Variants in SGCZ observed in about 807,000 individuals in gnomAD.
SGCZ encodes sarcoglycan zeta, also known as zeta-sarcoglycan.
SGCZ carries 40 observed loss-of-function variants against 41.3 expected under a neutral mutation model. That is an observed-to-expected ratio of 0.97 (90% CI 0.75 to 1.26). The LOEUF (loss-of-function observed/expected upper bound fraction) is 1.26. Ranked by LOEUF, SGCZ falls within the 50% of genes most tolerant of loss-of-function variation. SGCZ has a pLI of 0.00. For synonymous variants in SGCZ, 206 were observed against 137.5 expected (o/e 1.50, Z -3.49); for missense variants, 552 against 369.8 (o/e 1.49, Z -4.04).
At chr8:14,230,943 T>A (rs1208904275) in intron 4 of SGCZ, among the ~76,000 whole-genome samples, 1 of 152,076 alleles carries the variant, frequency 6.6e-6, no homozygotes, top group African/African-American at 2.4e-5. Flanking sequence ...TTGTACAAAT[T>A]GCATACATTA....
At chr8:14,701,078 G>T (rs1269069281) in intron 1 of SGCZ, among the ~76,000 whole-genome samples, 1 of 151,970 alleles carries the variant, frequency 6.6e-6, no homozygotes, top group East Asian at 1.9e-4. Context: ...CTGGAGTGTT[G>T]CGGAAGGATA....
In SGCZ at chr8:14,603,760, C is replaced by T. The variant is rs560004234; in HGVS notation, c.40-48834G>A. Among the ~76,000 whole-genome samples the T allele has an allele frequency of 2.6e-5, 4 of 152,202 alleles. No individual in the cohort carries two copies. In the East Asian group the frequency reaches 7.7e-4, roughly 29 times the overall value. The stretch of plus-strand genomic sequence containing the variant: ...TCAAGTAAAATAAAGTTGCTGCTTT[C>T]TCCCAAAAAATTATACCCTGTTACA... On this transcript the variant is annotated intron_variant, in intron 1 of 7. Coordinates refer to ENST00000382080, the MANE Select transcript of SGCZ (RefSeq NM_139167.4).
chr8:14,606,885 A>T (rs1805768156), intron 1 of SGCZ, among the ~76,000 whole-genome samples: 1 of 152,152 alleles, frequency 6.6e-6, no homozygotes, highest in Non-Finnish European at 1.5e-5. Flanking sequence ...AGTTAAGACT[A>T]TTAAGTATTA....
At chr8:14,736,582 C>T (rs1350106900) in intron 1 of SGCZ, among the ~76,000 whole-genome samples, 1 of 152,052 alleles carries the variant, frequency 6.6e-6, no homozygotes, top group African/African-American at 2.4e-5. Context: ...ATCACCTGAG[C>T]AGTACACACT....
chr8:14,620,486 A>G (rs1187266204), intron 1 of SGCZ, among the ~76,000 whole-genome samples: 3 of 152,126 alleles, frequency 2.0e-5, no homozygotes, highest in Non-Finnish European at 4.4e-5. Context: ...AGAAACTACC[A>G]TCAGAGTGAA....
chr8:14,221,319 G>A (rs958534273), intron 4 of SGCZ, among the ~76,000 whole-genome samples: 5 of 152,078 alleles, frequency 3.3e-5, no homozygotes, highest in Non-Finnish European at 5.9e-5. Flanking sequence ...TTGCCCTTAC[G>A]TATAAATTTT....
chr8:14,491,559 A>G (rs1404866329), intron 2 of SGCZ, among the ~76,000 whole-genome samples: 1 of 152,170 alleles, frequency 6.6e-6, no homozygotes, highest in Non-Finnish European at 1.5e-5. Flanking sequence ...AAAAAACACA[A>G]GTTTTTTATA....
intron 1 of SGCZ, among the ~76,000 whole-genome samples, chr8:14,570,426 A>G (rs1418300673): frequency 6.6e-6 from 1 of 152,172 alleles, no homozygotes; most frequent in Non-Finnish European, 1.5e-5. Context: ...CACACTAAGT[A>G]TATTTGTTCT....
At chr8:14,567,538 CT>C (rs1325596976) in intron 1 of SGCZ, among the ~76,000 whole-genome samples, 1 of 152,116 alleles carries the variant, frequency 6.6e-6, no homozygotes, top group Non-Finnish European at 1.5e-5. Flanking sequence ...AATCGGCTCT[CT>C]GTAACATGGA....
At chr8:14,456,294 G>A (rs557789060) in intron 2 of SGCZ, among the ~76,000 whole-genome samples, 2 of 152,248 alleles carry the variant, frequency 1.3e-5, no homozygotes, top group African/African-American at 2.4e-5. Flanking sequence ...TATAATCCCA[G>A]CTACTTGGGG....
intron 1 of SGCZ, among the ~76,000 whole-genome samples, chr8:15,107,379 G>A (rs1465088128): frequency 1.3e-5 from 2 of 152,258 alleles, no homozygotes; most frequent in East Asian, 3.9e-4. Context: ...GGTCATGGGA[G>A]GAGATCCCTC....
At chr8:14,493,064 T>C (rs530914653) in intron 2 of SGCZ, among the ~76,000 whole-genome samples, 13 of 152,266 alleles carry the variant, frequency 8.5e-5, no homozygotes, top group African/African-American at 3.1e-4. Flanking sequence ...AAAATGTTTC[T>C]CTTTTCTATA....
chr8:14,810,925 C>T (rs1357078596), intron 1 of SGCZ, among the ~76,000 whole-genome samples: 2 of 151,928 alleles, frequency 1.3e-5, no homozygotes, highest in Non-Finnish European at 2.9e-5. Flanking sequence ...TATCATCAAT[C>T]CCCTTCACTT....
intron 1 of SGCZ, among the ~76,000 whole-genome samples, chr8:14,616,082 G>A (rs998871047): frequency 2.6e-5 from 4 of 152,092 alleles, no homozygotes; most frequent in South Asian, 2.1e-4. Flanking sequence ...AAGAGATCAA[G>A]ACCATCCTGG....
At chr8:14,997,543 C>T (rs899177128) in intron 1 of SGCZ, among the ~76,000 whole-genome samples, 4 of 152,130 alleles carry the variant, frequency 2.6e-5, no homozygotes, top group South Asian at 2.1e-4. Flanking sequence ...AGCTGCAATG[C>T]TTCAACTGAA....
At chr8:14,547,882 C>A (rs1803679718) in intron 2 of SGCZ, among the ~76,000 whole-genome samples, 1 of 152,166 alleles carries the variant, frequency 6.6e-6, no homozygotes, top group African/African-American at 2.4e-5. Flanking sequence ...TTATAAACCC[C>A]TTCACTTATT....
At chr8:14,444,032 A>G (rs1800354621) in intron 2 of SGCZ, among the ~76,000 whole-genome samples, 6 of 152,210 alleles carry the variant, frequency 3.9e-5, no homozygotes, top group Admixed American at 3.9e-4. Flanking sequence ...AAAAGAAGAC[A>G]TTTATGCAGC....
intron 2 of SGCZ, among the ~76,000 whole-genome samples, chr8:14,543,794 C>A (rs1360364563): frequency 6.6e-6 from 1 of 152,152 alleles, no homozygotes; most frequent in Non-Finnish European, 1.5e-5. Context: ...AAATTACACA[C>A]AAGTACCATA....
chr8:14,198,152 T>G (rs1805328408), intron 4 of SGCZ, among the ~76,000 whole-genome samples: 1 of 152,214 alleles, frequency 6.6e-6, no homozygotes, highest in African/African-American at 2.4e-5. Context: ...AGTAGCATGA[T>G]GAAATCATAT....
Sources: gnomAD v4.1 joint callset for allele counts (sites outside exome capture counted in the v4.1 genomes callset) on GRCh38, gnomAD v4.1.1 for gene constraint, MANE v1.5 for transcripts, NCBI Gene and HGNC (gene_info 2026-07-23, HGNC 2026-07-21) for gene names.